ANKRD45: variants seen among roughly 807,000 people sequenced by gnomAD.
ANKRD45 encodes ankyrin repeat domain-containing protein 45.
Under a neutral mutation model 28.1 loss-of-function variants are expected in ANKRD45, and 21 were observed. That is an observed-to-expected ratio of 0.75 (90% confidence interval 0.53 to 1.08). ANKRD45 has a LOEUF of 1.08. Among genes scored for constraint, ANKRD45 ranks in the 50% least tolerant of loss-of-function variants. The pLI, the probability that ANKRD45 is intolerant of heterozygous loss-of-function variation, is 0.00. For synonymous variants in ANKRD45, 86 were observed against 103.9 expected, an observed-to-expected ratio of 0.83 and a Z score of 1.05; for missense variants, 261 against 308.7, an observed-to-expected ratio of 0.85 and a Z score of 1.16.
At chr1:173,699,615 CA>C in the ANKRD45 span, among the ~76,000 whole-genome samples, 1 of 152,162 alleles carries the variant, frequency 6.6e-6, no homozygotes, top group Non-Finnish European at 1.5e-5. Context: ...TGACAAAATT[CA>C]ACAACCCTTC....
chr1:173,647,795 A>T, intron 2 of ANKRD45, among the ~76,000 whole-genome samples: 1 of 138,492 alleles, frequency 7.2e-6, no homozygotes, highest in Admixed American at 6.6e-5. Context: ...AATACTCTAA[A>T]CTGTTTTTTC....
At chr1:173,704,815 T>C in the ANKRD45 span, among the ~76,000 whole-genome samples, 5 of 152,178 alleles carry the variant, frequency 3.3e-5, no homozygotes, top group African/African-American at 1.2e-4. Flanking sequence ...TGGAGTTTAG[T>C]ATGTAATTTA....
At chr1:173,623,020 A>G (rs1667771244) in intron 5 of ANKRD45, among the ~76,000 whole-genome samples, 1 of 149,182 alleles carries the variant, frequency 6.7e-6, no homozygotes, top group South Asian at 2.1e-4. Context: ...AAAAGAAGAC[A>G]TTCAAAAAAA....
At chr1:173,669,608 A>C (rs1233979682) in intron 1 of ANKRD45, 1 of 420,784 alleles carries the variant, frequency 2.4e-6, no homozygotes, top group Non-Finnish European at 4.8e-6. Flanking sequence ...TGAATTCCCT[A>C]GGGACCTTCT....
chr1:173,635,421 C>A, intron 3 of ANKRD45: 1 of 919,522 alleles, frequency 1.1e-6, no homozygotes, highest in Non-Finnish European at 1.6e-6. Context: ...TTTCTGCTTC[C>A]CTTCGTAGGG....
At chr1:173,663,082 CACACA>C in intron 1 of ANKRD45, among the ~76,000 whole-genome samples, 1 of 151,704 alleles carries the variant, frequency 6.6e-6, no homozygotes, top group African/African-American at 2.4e-5. Context: ...CACACACACA[CACACA>C]CACACCTTCT....
chr1:173,643,711 C>A (rs1328730549), intron 3 of ANKRD45, among the ~76,000 whole-genome samples: 1 of 151,774 alleles, frequency 6.6e-6, no homozygotes, highest in Non-Finnish European at 1.5e-5. Context: ...AGGCCTGAGA[C>A]TGGGACAGAA....
chr1:173,657,618 TC>T (rs1669592504), intron 2 of ANKRD45: 1 of 129,794 alleles, frequency 7.7e-6, no homozygotes, highest in Non-Finnish European at 1.7e-5. Flanking sequence ...TTTTCTTTCT[TC>T]TTCTTCTTTT....
At chr1:173,627,012 T>C in intron 4 of ANKRD45, 53 bp downstream of exon 4, 1 of 1,337,640 alleles carries the variant, frequency 7.5e-7, no homozygotes, top group Non-Finnish European at 1.1e-6. Flanking sequence ...AATTAAAATG[T>C]AAGACAAAAT....
At chr1:173,612,311 GGAAGGAAA>G (rs1340310020) in intron 5 of ANKRD45, among the ~76,000 whole-genome samples, 6 of 111,574 alleles carry the variant, frequency 5.4e-5, no homozygotes, top group African/African-American at 1.2e-4. Context: ...AAAGAAGGAA[GGAAGGAAA>G]GAAGGAAGGA....
chr1:173,617,391 G>A (rs1161288673), intron 5 of ANKRD45, among the ~76,000 whole-genome samples: 1 of 152,208 alleles, frequency 6.6e-6, no homozygotes, highest in Non-Finnish European at 1.5e-5. Flanking sequence ...GAGGGTAGAG[G>A]CAGGTGCCAT....
At chr1:173,629,536 T>C (rs959411795) in intron 3 of ANKRD45, among the ~76,000 whole-genome samples, 1 of 151,982 alleles carries the variant, frequency 6.6e-6, no homozygotes, top group Non-Finnish European at 1.5e-5. Flanking sequence ...TGAGAGTCTC[T>C]TAACAGTAGA....
chr1:173,681,358 A>C, the ANKRD45 span, among the ~76,000 whole-genome samples: 6 of 152,286 alleles, frequency 3.9e-5, no homozygotes, highest in African/African-American at 1.4e-4. Context: ...AATAATTTTA[A>C]AGCTAGCTTA....
chr1:173,707,134 TG>T, the ANKRD45 span, among the ~76,000 whole-genome samples: 17 of 152,108 alleles, frequency 1.1e-4, 1 homozygote, highest in Admixed American at 9.2e-4. Context: ...TTATGTTATT[TG>T]TTTTTTTCTC....
chr1:173,656,977 G>A (rs565680090), intron 2 of ANKRD45, among the ~76,000 whole-genome samples: 24 of 148,250 alleles, frequency 1.6e-4, no homozygotes, highest in Admixed American at 1.5e-3. Flanking sequence ...CTTGAGCCCA[G>A]GAGGTAGGGA....
At chr1:173,621,562 A>G (rs909249489) in intron 5 of ANKRD45, among the ~76,000 whole-genome samples, 2 of 152,202 alleles carry the variant, frequency 1.3e-5, no homozygotes, top group African/African-American at 4.8e-5. Flanking sequence ...AAACCACATG[A>G]TTATCTCGAT....
chr1:173,639,723 G>A (rs1411382700), intron 3 of ANKRD45, among the ~76,000 whole-genome samples: 7 of 152,222 alleles, frequency 4.6e-5, no homozygotes, highest in Admixed American at 4.6e-4. Flanking sequence ...GAACTGCACT[G>A]AAATGACTCC....
intron 3 of ANKRD45, among the ~76,000 whole-genome samples, chr1:173,631,236 A>G (rs1431946143): frequency 2.0e-5 from 3 of 152,220 alleles, no homozygotes; most frequent in African/African-American, 7.2e-5. Context: ...AGAAGGTCAT[A>G]TATAATAATA....
At chr1:173,681,150 GAT>G in the ANKRD45 span, among the ~76,000 whole-genome samples, 8 of 151,984 alleles carry the variant, frequency 5.3e-5, no homozygotes, top group Non-Finnish European at 1.0e-4. Flanking sequence ...AAAAAGGTGA[GAT>G]GTGATAAAAG....
Sources: allele counts gnomAD v4.1 joint callset (sites outside exome capture counted in the v4.1 genomes callset), GRCh38; gene constraint gnomAD v4.1.1; transcripts MANE v1.5; gene names NCBI Gene and HGNC (gene_info 2026-07-23, HGNC 2026-07-21).